Variants in MAP4K3 observed in about 807,000 individuals in gnomAD.
MAP4K3 encodes the protein mitogen-activated protein kinase kinase kinase kinase 3.
A neutral mutation model predicts 143.5 loss-of-function variants in MAP4K3; 94 were observed. The ratio of observed to expected loss-of-function variants is 0.65; its 90% CI spans 0.55 to 0.78. MAP4K3 has a LOEUF of 0.78. Ranked by LOEUF, MAP4K3 falls within the 30% of genes least tolerant of loss-of-function variation. The pLI, the probability that MAP4K3 is intolerant of heterozygous loss-of-function variation, is 0.00. For synonymous variants in MAP4K3, 416 were observed against 347.2 expected (o/e 1.20, Z -2.20); for missense variants, 1,077 against 1,068.1 (o/e 1.01, Z -0.12).
At chr2:39,318,188 T>C (rs1438468435) in intron 12 of MAP4K3, among the ~76,000 whole-genome samples, 1 of 152,052 alleles carries the variant, frequency 6.6e-6, no homozygotes, top group African/African-American at 2.4e-5. Context: ...AAGTGGGAGC[T>C]AAACACTGAG....
chr2:39,386,711 G>A (rs1460880531), intron 1 of MAP4K3, among the ~76,000 whole-genome samples: 1 of 151,794 alleles, frequency 6.6e-6, no homozygotes, highest in Non-Finnish European at 1.5e-5. Flanking sequence ...GGCTATATTT[G>A]TGTGGATCTA....
Position 39,251,870 on chromosome 2 carries a change from A to T in MAP4K3, c.2557T>A (p.Ser853Thr), listed in dbSNP as rs1415371988. The change falls in exon 33 of 34, where the codon TCA (serine) becomes ACA (threonine). Residue 853 changes from serine (S) to threonine (T), a missense_variant. This residue lies in a region of MAP4K3 where 864 missense variants were observed against 801.2 expected (regional missense o/e 1.08). Coordinates refer to ENST00000263881, the MANE Select transcript of MAP4K3 (RefSeq NM_003618.4). Reference sequence around the variant, plus strand: ...AGCCTGAAAATTCTTGTGCTATCTGAAATTTCTTGTGTTACCTGTTCAATT... The same window carrying T: ...AGCCTGAAAATTCTTGTGCTATCTGTAATTTCTTGTGTTACCTGTTCAATT... ...FRSNEVTQEI[S>T]DSTRIFRLLG... The T allele has an allele frequency of 6.2e-7, 1 of 1,613,478 alleles. No individual in the cohort carries two copies. The highest frequency in any genetic ancestry group is 2.2e-5 in the East Asian group (1 of 44,834).
rs149025213 is a variant in MAP4K3, at chr2:39,317,029, A to G, written c.919-1641T>C. Reference sequence around the variant, plus strand: ...TTCAAACTATACTACAAGGCTACAGAACCAAGAGAGAATGGTACTGGTATA... The same window carrying G: ...TTCAAACTATACTACAAGGCTACAGGACCAAGAGAGAATGGTACTGGTATA... On this transcript the variant is annotated intron_variant, in intron 12 of 33. Coordinates refer to ENST00000263881, the MANE Select transcript of MAP4K3 (RefSeq NM_003618.4). Among the ~76,000 whole-genome samples the G allele has an allele frequency of 2.9e-3, 434 of 152,232 alleles. 3 individuals carry two copies. Among genetic ancestry groups the G allele is most frequent in the Non-Finnish European group, 8.8e-4 (60 of 67,942 alleles).
rs60361690 is a variant in MAP4K3 at position 39,333,961 on chromosome 2, TTGTGTGTGTGTGTG to T, written c.415-401_415-388del. On this transcript the variant is annotated intron_variant, in intron 6 of 33. Coordinates refer to ENST00000263881, the MANE Select transcript of MAP4K3 (RefSeq NM_003618.4). ...TAAACTTGATTATTGTTTCCCATTT[TTGTGTGTGTGTGTG>T]TGTGTGTGTGTGTGTGTGTGTGTGT... Among the ~76,000 whole-genome samples the T allele has an allele frequency of 6.7e-3, 964 of 144,130 alleles. 12 individuals carry two copies. The highest frequency in any genetic ancestry group is 0.023 in the African/African-American group (905 of 39,818). The allele number at this position is 144,130 out of a possible 152,430, so 94.6% of individuals were successfully genotyped here.
intron 2 of MAP4K3, among the ~76,000 whole-genome samples, chr2:39,373,918 C>A (rs562786293): frequency 1.4e-4 from 21 of 152,040 alleles, no homozygotes; most frequent in Middle Eastern, 3.4e-3. Context: ...ACAACAACAA[C>A]AAAAAATCCA....
intron 1 of MAP4K3, among the ~76,000 whole-genome samples, chr2:39,400,079 C>T (rs763979063): frequency 6.6e-6 from 1 of 152,122 alleles, no homozygotes; most frequent in Non-Finnish European, 1.5e-5. Flanking sequence ...AAATTAATCC[C>T]CCCAAAAACC....
intron 3 of MAP4K3, among the ~76,000 whole-genome samples, chr2:39,351,236 T>A (rs1169381691): frequency 6.6e-6 from 1 of 152,188 alleles, no homozygotes; most frequent in Non-Finnish European, 1.5e-5. Context: ...CTCCTGAATA[T>A]GTCACAGTTT....
chr2:39,255,933 T>A (rs1428839430), intron 31 of MAP4K3, among the ~76,000 whole-genome samples: 4 of 152,242 alleles, frequency 2.6e-5, no homozygotes, highest in African/African-American at 9.6e-5. Flanking sequence ...ACTGGCATCT[T>A]TCTCATTTAA....
At chr2:39,287,419 T>TCC (rs1681839496) in intron 20 of MAP4K3, among the ~76,000 whole-genome samples, 1 of 151,652 alleles carries the variant, frequency 6.6e-6, no homozygotes, top group African/African-American at 2.4e-5. Flanking sequence ...TGCCTTAGTC[T>TCC]CCCAAGTAGC....
At position 39,437,119 on chromosome 2, in the gene MAP4K3, C is replaced by T; in HGVS notation, c.-132G>A. On this transcript the variant is annotated 5_prime_UTR_variant, in exon 1 of 34. Coordinates refer to ENST00000263881, the MANE Select transcript of MAP4K3 (RefSeq NM_003618.4). The stretch of plus-strand genomic sequence containing the variant: ...GTCACAATCACCCGGCTCCACGCTG[C>T]GGCCGCCGCCGCCGCCGCCGCTCCC... 3 of 524,344 alleles carry T rather than the reference C, an allele frequency of 5.7e-6. No individual in the cohort carries two copies. Among genetic ancestry groups the T allele is most frequent in the Non-Finnish European group, 9.3e-6 (3 of 321,652 alleles). The allele number at this position is 524,344 out of a possible 1,614,324, so 32.5% of individuals were successfully genotyped here. A position where few individuals can be genotyped will look rare whatever the true frequency, so the allele number is the denominator to read the frequency against.
chr2:39,351,529 T>TAA, intron 3 of MAP4K3, among the ~76,000 whole-genome samples: 1 of 2,532 alleles, frequency 3.9e-4, no homozygotes, highest in Non-Finnish European at 1.9e-3. Flanking sequence ...TAGATATCTT[T>TAA]CTGTGGAAAT....
At chr2:39,349,863 A>G (rs1254793523) in intron 3 of MAP4K3, among the ~76,000 whole-genome samples, 1 of 152,232 alleles carries the variant, frequency 6.6e-6, no homozygotes, top group African/African-American at 2.4e-5. Context: ...TTTACAAAAT[A>G]CATATTTGTA....
At chr2:39,396,999 C>T (rs944519906) in intron 1 of MAP4K3, among the ~76,000 whole-genome samples, 3 of 152,094 alleles carry the variant, frequency 2.0e-5, no homozygotes, top group African/African-American at 7.2e-5. Flanking sequence ...TAAGTTGTAA[C>T]ACATACCAAT....
chr2:39,435,249 A>G (rs993381000), intron 1 of MAP4K3, among the ~76,000 whole-genome samples: 3 of 152,138 alleles, frequency 2.0e-5, no homozygotes, highest in African/African-American at 7.2e-5. Flanking sequence ...ATGCTGTAGT[A>G]GGGAGCTCTT....
rs140002605 is a variant in MAP4K3, at chr2:39,271,075, T to C, written c.1973+1208A>G. ...GTTGTATAATTTATCCAAGGTCCCA[T>C]ATCTAGTAAGTCAATGATCCAGGAT... On this transcript the variant is annotated intron_variant, in intron 26 of 33. Transcript: ENST00000263881. Among the ~76,000 whole-genome samples the C allele has an allele frequency of 2.7e-3, 413 of 152,256 alleles. 1 individual carries two copies. The highest frequency in any genetic ancestry group is 9.3e-3 in the African/African-American group (385 of 41,540).
intron 1 of MAP4K3, among the ~76,000 whole-genome samples, chr2:39,391,912 G>C (rs1400719423): frequency 1.3e-5 from 2 of 152,092 alleles, no homozygotes; most frequent in African/African-American, 4.8e-5. Context: ...GCCAGGCGCG[G>C]TGGCTCACAT....
intron 1 of MAP4K3, among the ~76,000 whole-genome samples, chr2:39,424,328 G>A (rs1427089270): frequency 6.6e-6 from 1 of 152,166 alleles, no homozygotes; most frequent in Non-Finnish European, 1.5e-5. Flanking sequence ...CAACAGGGGG[G>A]AGGGGAATTA....
intron 12 of MAP4K3, among the ~76,000 whole-genome samples, chr2:39,318,778 T>C (rs1390546434): frequency 6.6e-6 from 1 of 152,172 alleles, no homozygotes; most frequent in Non-Finnish European, 1.5e-5. Flanking sequence ...ACTTTTATCA[T>C]CTTAAAGTTC....
chr2:39,330,635 A>C (rs1683652855), intron 8 of MAP4K3, among the ~76,000 whole-genome samples: 2 of 152,058 alleles, frequency 1.3e-5, no homozygotes. Context: ...TATTCTAGGA[A>C]AACAAAAACA....
Sources: gnomAD v4.1 joint callset for allele counts (sites outside exome capture counted in the v4.1 genomes callset) on GRCh38, gnomAD v4.1.1 for gene constraint, gnomAD v4.1.1 regional missense constraint, MANE v1.5 for transcripts, NCBI Gene and HGNC (gene_info 2026-07-23, HGNC 2026-07-21) for gene names.